NFATC1: variants seen among roughly 807,000 people sequenced by gnomAD.
NFATC1 encodes the protein nuclear factor of activated T cells 1.
Under a neutral mutation model 76.0 loss-of-function variants are expected in NFATC1, and 22 were observed. The ratio of observed to expected loss-of-function variants is 0.29; its 90% CI spans 0.21 to 0.41. The LOEUF is 0.41. Among genes scored for constraint, NFATC1 ranks in the 10% least tolerant of loss-of-function variants. The probability of loss-of-function intolerance (pLI) is 1.00; values close to 1 mark genes in which losing one functional copy is unlikely to be tolerated. For missense variants in NFATC1, 1,357 were observed against 1,337.7 expected, an observed-to-expected ratio of 1.01 and a Z score of -0.23; for synonymous variants, 704 against 613.1, an observed-to-expected ratio of 1.15 and a Z score of -2.19.
chr18:79,438,732 C>T (rs1323248813), intron 3 of NFATC1, among the ~76,000 whole-genome samples: 4 of 152,096 alleles, frequency 2.6e-5, no homozygotes, highest in Non-Finnish European at 5.9e-5. Context: ...GCGGGCGGGT[C>T]AGGCGAAGAC....
At chr18:79,473,806 GCTCA>G (rs1327715308) in intron 8 of NFATC1, among the ~76,000 whole-genome samples, 1 of 146,640 alleles carries the variant, frequency 6.8e-6, no homozygotes, top group Non-Finnish European at 1.5e-5. Flanking sequence ...GTGTTCTCAC[GCTCA>G]CTGTTGACGT....
chr18:79,441,074 G>T (rs969912941), intron 3 of NFATC1, among the ~76,000 whole-genome samples: 1 of 152,264 alleles, frequency 6.6e-6, no homozygotes, highest in African/African-American at 2.4e-5. Context: ...TGGCCCCTGG[G>T]CCCTGCGGAG....
intron 1 of NFATC1, among the ~76,000 whole-genome samples, chr18:79,399,196 T>C (rs1470654746): frequency 1.3e-5 from 2 of 152,176 alleles, no homozygotes; most frequent in African/African-American, 2.4e-5. Context: ...CCAACATCCA[T>C]CCCAAAGTCA....
rs8086012 is a variant in NFATC1, at chr18:79,468,049, G to A, written c.2092+467G>A. On this transcript the variant is annotated intron_variant, in intron 8 of 9. Transcript: ENST00000427363. ...ATGGTGAATGAGCTTTGTGCTGGGC[G>A]GACGTCCCCGAGACACTTCTCCAGG... 533 of 951,614 alleles carry A rather than the reference G, an allele frequency of 5.6e-4. 1 individual carries two copies. The African/African-American group carries it at 7.7e-3, about 14-fold the overall frequency. The allele number at this position is 951,614 out of a possible 1,614,324, so 58.9% of individuals were successfully genotyped here.
At chr18:79,444,604 A>C (rs2087120586) in intron 3 of NFATC1, among the ~76,000 whole-genome samples, 1 of 152,104 alleles carries the variant, frequency 6.6e-6, no homozygotes, top group African/African-American at 2.4e-5. Flanking sequence ...GGGCCGGTTT[A>C]CAGGGAAGCA....
chr18:79,405,795 C>T (rs923882963), intron 1 of NFATC1, among the ~76,000 whole-genome samples: 12 of 152,202 alleles, frequency 7.9e-5, no homozygotes, highest in African/African-American at 2.9e-4. Context: ...GTTTCTTTGC[C>T]TCATCGAATC....
chr18:79,439,735 C>T (rs753761364), intron 3 of NFATC1, among the ~76,000 whole-genome samples: 2 of 152,170 alleles, frequency 1.3e-5, no homozygotes, highest in African/African-American at 2.4e-5. Flanking sequence ...GAGCCTTCCC[C>T]GTGTCAGCTT....
intron 9 of NFATC1, among the ~76,000 whole-genome samples, chr18:79,489,122 C>T (rs390439): frequency 0.45 from 69,020 of 152,226 alleles, 16,695 homozygotes; most frequent in Middle Eastern, 0.66. Context: ...TGGCCTTGGT[C>T]CTAGAGGTCA....
chr18:79,447,729 C>T (rs1450936845), intron 3 of NFATC1, among the ~76,000 whole-genome samples: 1 of 152,248 alleles, frequency 6.6e-6, no homozygotes. Flanking sequence ...GAGAATCAAA[C>T]GTTCCTGTTC....
chr18:79,504,620 C>T (rs2090084416), intron 9 of NFATC1, among the ~76,000 whole-genome samples: 1 of 152,288 alleles, frequency 6.6e-6, no homozygotes, highest in African/African-American at 2.4e-5. Flanking sequence ...AAGTGGGCAC[C>T]TGCTGTTGGA....
chr18:79,510,837 CG>C, intron 9 of NFATC1, among the ~76,000 whole-genome samples: 1 of 149,344 alleles, frequency 6.7e-6, no homozygotes, highest in African/African-American at 2.5e-5. Flanking sequence ...CATCCTCTGC[CG>C]GGGCATCCTC....
chr18:79,494,605 G>A (rs113109973), intron 9 of NFATC1, among the ~76,000 whole-genome samples: 20 of 21,730 alleles, frequency 9.2e-4, no homozygotes, highest in Admixed American at 2.9e-3. Context: ...GCCCCCCATC[G>A]ACCTGGTACC....
intron 2 of NFATC1, among the ~76,000 whole-genome samples, chr18:79,418,084 T>A (rs2085941007): frequency 6.6e-6 from 1 of 152,022 alleles, no homozygotes; most frequent in Non-Finnish European, 1.5e-5. Context: ...CACCATGGGG[T>A]GGGTGGAGCC....
intron 2 of NFATC1, among the ~76,000 whole-genome samples, chr18:79,425,229 C>G (rs923715922): frequency 1.6e-5 from 2 of 121,770 alleles, no homozygotes; most frequent in Admixed American, 1.7e-4. Context: ...CTCTGTTTCT[C>G]TCCCTGTCTC....
At chr18:79,493,557 G>A (rs914998515) in intron 9 of NFATC1, 1 of 152,266 alleles carries the variant, frequency 6.6e-6, no homozygotes. Flanking sequence ...AGGTAGACGA[G>A]GCGGCCGGAG....
intron 9 of NFATC1, among the ~76,000 whole-genome samples, chr18:79,488,715 C>T (rs1471052412): frequency 6.6e-6 from 1 of 152,200 alleles, no homozygotes; most frequent in Non-Finnish European, 1.5e-5. Context: ...GACATCCATG[C>T]CTCCAGTCCC....
intron 6 of NFATC1, among the ~76,000 whole-genome samples, chr18:79,455,865 C>T (rs1232880352): frequency 6.6e-6 from 1 of 152,118 alleles, no homozygotes; most frequent in Non-Finnish European, 1.5e-5. Context: ...AGGCACTAGC[C>T]ACACTGCAGG....
In NFATC1 at chr18:79,396,304, TG is replaced by T; in HGVS notation, c.84del (p.Ala30ArgfsTer8). The T allele has an allele frequency of 7.0e-7, 1 of 1,430,370 alleles. No homozygotes were observed. The highest frequency in any genetic ancestry group is 1.4e-5 in the South Asian group (1 of 73,332). 88.6% of individuals were successfully genotyped at this position (1,430,370 alleles called of 1,614,324 possible). A position where few individuals can be genotyped will look rare whatever the true frequency, so the allele number is the denominator to read the frequency against. ...AAAVFGRGET[L>X]GPAPRAGGTM... Reference sequence around the variant, plus strand: ...GCGGTCTTCGGGAGAGGAGAAACTTTGGGGCCCGCGCCGCGCGCCGGCGGCA... The same window carrying T: ...GCGGTCTTCGGGAGAGGAGAAACTTTGGGCCCGCGCCGCGCGCCGGCGGCA... On this transcript the variant is annotated frameshift_variant, in exon 1 of 10. Coordinates refer to ENST00000427363, the MANE Select transcript of NFATC1 (RefSeq NM_001278669.2). LOFTEE classifies it high-confidence loss of function.
At chr18:79,471,675 CAG>C (rs1378600095) in intron 8 of NFATC1, among the ~76,000 whole-genome samples, 1 of 152,214 alleles carries the variant, frequency 6.6e-6, no homozygotes. Flanking sequence ...CCCCCTTCCT[CAG>C]GGGACACGCG....
Sources: allele counts gnomAD v4.1 joint callset (sites outside exome capture counted in the v4.1 genomes callset), GRCh38; gene constraint gnomAD v4.1.1; transcripts MANE v1.5; gene names NCBI Gene and HGNC (gene_info 2026-07-23, HGNC 2026-07-21).